RIC1: variants seen among roughly 807,000 people sequenced by gnomAD.
RIC1 encodes RIC1 partner of RAB6A GEF complex, also known as guanine nucleotide exchange factor subunit RIC1.
A neutral mutation model predicts 169.0 loss-of-function variants in RIC1; 88 were observed. The observed-to-expected ratio is 0.52, with a 90% CI of 0.44 to 0.62. The LOEUF is 0.62. Among genes scored for constraint, RIC1 ranks in the 20% least tolerant of loss-of-function variants. The pLI, the probability that RIC1 is intolerant of heterozygous loss-of-function variation, is 0.00. For synonymous variants in RIC1, 790 were observed against 601.5 expected, an observed-to-expected ratio of 1.31 and a Z score of -4.59; for missense variants, 1,877 against 1,725.5, an observed-to-expected ratio of 1.09 and a Z score of -1.56.
intron 2 of RIC1, among the ~76,000 whole-genome samples, chr9:5,689,650 GTACTA>G (rs761090147): frequency 1.6e-4 from 24 of 152,088 alleles, no homozygotes; most frequent in Admixed American, 2.6e-4. Flanking sequence ...AGTTCAAAAA[GTACTA>G]TATATTTTGC....
intron 2 of RIC1, among the ~76,000 whole-genome samples, chr9:5,668,303 A>C (rs1450002216): frequency 1.3e-5 from 2 of 152,190 alleles, no homozygotes; most frequent in African/African-American, 4.8e-5. Context: ...AAACCATATC[A>C]CTGAGGAACC....
intron 3 of RIC1, among the ~76,000 whole-genome samples, chr9:5,709,815 C>A (rs543631666): frequency 2.6e-5 from 4 of 152,076 alleles, no homozygotes; most frequent in African/African-American, 9.7e-5. Context: ...TGGAAACTTT[C>A]CTGCGAGATG....
At chr9:5,645,019 C>T (rs1418326315) in intron 1 of RIC1, among the ~76,000 whole-genome samples, 1 of 152,118 alleles carries the variant, frequency 6.6e-6, no homozygotes, top group Non-Finnish European at 1.5e-5. Context: ...ATTTATATAT[C>T]TTATTCCATT....
chr9:5,650,058 G>A (rs999210840), intron 1 of RIC1, among the ~76,000 whole-genome samples: 15 of 152,138 alleles, frequency 9.9e-5, no homozygotes, highest in Non-Finnish European at 2.2e-4. Flanking sequence ...CCAGTCCTTG[G>A]GCACCAGTGG....
Position 5,753,609 on chromosome 9 carries a change from T to C in RIC1, c.1565T>C (p.Leu522Pro), listed in dbSNP as rs757409289. 2 of 1,609,312 alleles carry C rather than the reference T, an allele frequency of 1.2e-6. No individual in the cohort carries two copies. The highest frequency in any genetic ancestry group is 2.2e-5 in the South Asian group (2 of 90,100). Residue 522 changes from leucine to proline, a missense_variant, in exon 14 of 26, where the codon CTC becomes CCC. Transcript: ENST00000414202. Reference sequence around the variant, plus strand: ...TTTGGTTTTGCACATTACTCTTTACTCACCAAAAAATGGAAACTTTTTGGA... The same window carrying C: ...TTTGGTTTTGCACATTACTCTTTACCCACCAAAAAATGGAAACTTTTTGGA... Reference protein sequence around the residue: ...GKFGFAHYSLLTKKWKLFGNI... With the variant: ...GKFGFAHYSLPTKKWKLFGNI...
At chr9:5,723,775 A>G (rs1823766083) in intron 6 of RIC1, among the ~76,000 whole-genome samples, 1 of 152,200 alleles carries the variant, frequency 6.6e-6, no homozygotes, top group African/African-American at 2.4e-5. Context: ...CTTTCTACAT[A>G]TGGCTAGCCC....
Position 5,747,203 on chromosome 9 carries a change from A to G in RIC1, c.1249-99A>G, listed in dbSNP as rs1825428712. 9 of 855,502 alleles carry G rather than the reference A, an allele frequency of 1.1e-5. No individual in the cohort carries two copies. The South Asian group carries it at 1.3e-4, about 12-fold the overall frequency. 53.0% of individuals were successfully genotyped at this position (855,502 alleles called of 1,614,324 possible). ...ATCGAGATACATGTACATTTCCTATAATAAAACTAAATCGATGTGTTATTT... is the reference window on the plus strand; with the variant it reads ...ATCGAGATACATGTACATTTCCTATGATAAAACTAAATCGATGTGTTATTT... On this transcript the variant is annotated intron_variant, in intron 11 of 25. Transcript: ENST00000414202.
At chr9:5,749,295 C>G (rs890474343) in intron 12 of RIC1, among the ~76,000 whole-genome samples, 1 of 152,120 alleles carries the variant, frequency 6.6e-6, no homozygotes, top group African/African-American at 2.4e-5. Flanking sequence ...TTGGAGTTGC[C>G]CTGTATTTCG....
At chr9:5,762,855 C>T (rs1055623509) in intron 18 of RIC1, among the ~76,000 whole-genome samples, 195 bp downstream of exon 18, 3 of 152,106 alleles carry the variant, frequency 2.0e-5, no homozygotes, top group East Asian at 1.9e-4. Flanking sequence ...TGAAATGTTC[C>T]ATACTCCATA....
chr9:5,765,321 AT>A, intron 19 of RIC1, 92 bp from the exon 20 acceptor site: 1 of 1,375,988 alleles, frequency 7.3e-7, no homozygotes. Flanking sequence ...GTGTGGCTAC[AT>A]TCTTTGAGTT....
At chr9:5,629,516 C>A in intron 1 of RIC1, 63 bp downstream of exon 1, 1 of 1,482,770 alleles carries the variant, frequency 6.7e-7, no homozygotes, top group Non-Finnish European at 9.0e-7. Context: ...CCGTCCCACC[C>A]CCAACTTCCA....
intron 2 of RIC1, among the ~76,000 whole-genome samples, chr9:5,673,974 C>A (rs1453861021): frequency 6.6e-6 from 1 of 152,038 alleles, no homozygotes; most frequent in Non-Finnish European, 1.5e-5. Flanking sequence ...TTTTAGATAA[C>A]CCTCTACTTA....
intron 17 of RIC1, among the ~76,000 whole-genome samples, chr9:5,760,843 G>GATGAACCCTAA (rs1826284167): frequency 1.3e-5 from 2 of 152,170 alleles, no homozygotes; most frequent in African/African-American, 4.8e-5. Flanking sequence ...CTGTTTTCTT[G>GATGAACCCTAA]ATGAACCCTA....
At chr9:5,737,024 A>G (rs916529439) in intron 7 of RIC1, among the ~76,000 whole-genome samples, 7 of 151,782 alleles carry the variant, frequency 4.6e-5, no homozygotes, top group African/African-American at 1.7e-4. Flanking sequence ...AACCAGTGTC[A>G]TCCTATTATG....
At chr9:5,748,485 CAA>C in intron 12 of RIC1, 1 of 152,746 alleles carries the variant, frequency 6.5e-6, no homozygotes, top group East Asian at 1.9e-4. Context: ...TAGAATCAAA[CAA>C]TGTACATACC....
chr9:5,678,329 G>C (rs1219189196), intron 2 of RIC1, among the ~76,000 whole-genome samples: 2 of 152,084 alleles, frequency 1.3e-5, no homozygotes, highest in Non-Finnish European at 2.9e-5. Context: ...TGTCTTTATA[G>C]CAGCATGATT....
chr9:5,640,311 C>T (rs1054081252), intron 1 of RIC1, among the ~76,000 whole-genome samples: 28 of 152,178 alleles, frequency 1.8e-4, no homozygotes, highest in African/African-American at 6.3e-4. Flanking sequence ...GACAACTTAA[C>T]ACTGATTGTA....
chr9:5,686,022 A>G (rs1203004353), intron 2 of RIC1, among the ~76,000 whole-genome samples: 4 of 152,106 alleles, frequency 2.6e-5, no homozygotes, highest in Non-Finnish European at 5.9e-5. Flanking sequence ...AAACACATGA[A>G]AAAATGCTCA....
chr9:5,635,816 C>T (rs772327681), intron 1 of RIC1, among the ~76,000 whole-genome samples: 2 of 152,216 alleles, frequency 1.3e-5, no homozygotes, highest in Non-Finnish European at 2.9e-5. Context: ...CTGTCTCTCT[C>T]TTGCCTGCCA....
Sources: gnomAD v4.1 joint callset for allele counts (sites outside exome capture counted in the v4.1 genomes callset) on GRCh38, gnomAD v4.1.1 for gene constraint, MANE v1.5 for transcripts, NCBI Gene and HGNC (gene_info 2026-07-23, HGNC 2026-07-21) for gene names.